KIAA1671: variants seen among roughly 807,000 people sequenced by gnomAD.
KIAA1671 encodes the protein uncharacterized protein KIAA1671.
A neutral mutation model predicts 131.2 loss-of-function variants in KIAA1671; 52 were observed. The ratio of observed to expected loss-of-function variants is 0.40; its 90% CI spans 0.32 to 0.50. The LOEUF (loss-of-function observed/expected upper bound fraction) is 0.50. Ranked by LOEUF, KIAA1671 falls within the 20% of genes least tolerant of loss-of-function variation. KIAA1671 has a pLI of 0.73. For synonymous variants in KIAA1671, 1,003 were observed against 961.6 expected, an observed-to-expected ratio of 1.04 and a Z score of -0.80; for missense variants, 2,360 against 2,364.2, an observed-to-expected ratio of 1.00 and a Z score of 0.04.
chr22:25,096,658 G>A (rs1325233659), intron 6 of KIAA1671, among the ~76,000 whole-genome samples: 1 of 152,154 alleles, frequency 6.6e-6, no homozygotes, highest in Non-Finnish European at 1.5e-5. Context: ...AACGTTTCAA[G>A]TGTACAATCT....
chr22:25,068,711 C>T (rs1181196625), intron 6 of KIAA1671, among the ~76,000 whole-genome samples: 1 of 152,198 alleles, frequency 6.6e-6, no homozygotes, highest in African/African-American at 2.4e-5. Context: ...TCTGGGATTA[C>T]AGGCGTGAGC....
At chr22:24,969,108 C>G (rs1922462925) in intron 1 of KIAA1671, among the ~76,000 whole-genome samples, 1 of 152,056 alleles carries the variant, frequency 6.6e-6, no homozygotes, top group South Asian at 2.1e-4. Flanking sequence ...CCATTGTTGC[C>G]TAGGTTGGTC....
chr22:25,064,313 G>A (rs1928346512), intron 6 of KIAA1671: 1 of 147,500 alleles, frequency 6.8e-6, no homozygotes, highest in Non-Finnish European at 1.5e-5. Context: ...CACCCACATT[G>A]GCCTCCCAAA....
At position 25,039,675 on chromosome 22, in the gene KIAA1671, G is replaced by T. The variant is rs1273660436; in HGVS notation, c.2545G>T (p.Val849Phe). The T allele has an allele frequency of 5.1e-5, 78 of 1,527,756 alleles. No individual in the cohort carries two copies. The highest frequency in any genetic ancestry group is 6.4e-5 in the Non-Finnish European group (72 of 1,132,152). The allele number at this position is 1,527,756 out of a possible 1,614,324, so 94.6% of individuals were successfully genotyped here. ...EEHCAPGATS[V>F]RAIKAAIWES... ...GCACTGTGCTCCCGGGGCCACCTCC[G>T]TCAGGGCTATCAAGGCTGCCATCTG... Residue 849 changes from valine (V) to phenylalanine (F), a missense_variant, in exon 5 of 13, where the codon GTC becomes TTC. Physicochemically the swap from Val to Phe is conservative, Grantham distance 50. Around this residue, in one of 3 missense-constraint regions of KIAA1671, gnomAD observed 1,185 missense variants for 1,126.2 expected, o/e 1.05. Coordinates refer to ENST00000358431, the MANE Select transcript of KIAA1671 (RefSeq NM_001145206.2).
intron 5 of KIAA1671, among the ~76,000 whole-genome samples, chr22:25,047,458 C>T (rs1373810397): frequency 6.8e-6 from 1 of 147,516 alleles, no homozygotes; most frequent in Non-Finnish European, 1.5e-5. Context: ...CCATGCCTGG[C>T]CTCTTTTCCT....
chr22:25,073,661 A>G (rs1928945810), intron 6 of KIAA1671, among the ~76,000 whole-genome samples: 2 of 152,098 alleles, frequency 1.3e-5, no homozygotes, highest in South Asian at 4.1e-4. Flanking sequence ...ACCCTTTAAC[A>G]TCTTTCCATT....
chr22:25,031,663 G>A (rs1199613812), intron 3 of KIAA1671, among the ~76,000 whole-genome samples: 1 of 152,146 alleles, frequency 6.6e-6, no homozygotes, highest in Non-Finnish European at 1.5e-5. Flanking sequence ...CTTCCAAGTC[G>A]ATCTTATGTG....
At chr22:25,098,653 G>A (rs1225213048) in intron 6 of KIAA1671, among the ~76,000 whole-genome samples, 2 of 151,794 alleles carry the variant, frequency 1.3e-5, no homozygotes, top group African/African-American at 4.8e-5. Flanking sequence ...TGCTCTGATT[G>A]CCCTGATGCC....
At chr22:25,073,207 A>G (rs1325349498) in intron 6 of KIAA1671, among the ~76,000 whole-genome samples, 2 of 152,082 alleles carry the variant, frequency 1.3e-5, no homozygotes, top group African/African-American at 2.4e-5. Flanking sequence ...AGCTGGGACT[A>G]CAGGTGCGTG....
rs370157051 is a variant in KIAA1671 at position 25,096,455 on chromosome 22, T to A, written c.4530+47091T>A. Among the ~76,000 whole-genome samples, 30 of 152,288 alleles carry A rather than the reference T, an allele frequency of 2.0e-4. No individual in the cohort carries two copies. In the South Asian group the frequency reaches 5.8e-3, roughly 29 times the overall value. ...GCAGTCACTCAAGACACACAAGATC[T>A]TGTGGGGCCCCTGGCTTCTCAGGCT... On this transcript the variant is annotated intron_variant, in intron 6 of 12. Transcript: ENST00000358431.
intron 6 of KIAA1671, among the ~76,000 whole-genome samples, chr22:25,096,048 G>A (rs900793100): frequency 6.6e-6 from 1 of 152,206 alleles, no homozygotes; most frequent in Non-Finnish European, 1.5e-5. Flanking sequence ...ATGGTAGTTG[G>A]GGAGCTAAGC....
At chr22:24,965,949 T>G (rs1922283653) in intron 1 of KIAA1671, among the ~76,000 whole-genome samples, 1 of 152,208 alleles carries the variant, frequency 6.6e-6, no homozygotes, top group Non-Finnish European at 1.5e-5. Context: ...ATAGATTTTG[T>G]GTGTTTATAG....
intron 6 of KIAA1671, among the ~76,000 whole-genome samples, chr22:25,139,473 G>C (rs1678878719): frequency 6.6e-6 from 1 of 152,244 alleles, no homozygotes; most frequent in Non-Finnish European, 1.5e-5. Context: ...TGGCCTCTCT[G>C]AGCTTTAGTT....
rs550937845 is a variant in KIAA1671 at position 25,190,254 on chromosome 22, C to T, written c.5343-448C>T. On this transcript the variant is annotated intron_variant, in intron 11 of 12. Coordinates refer to ENST00000358431, the MANE Select transcript of KIAA1671 (RefSeq NM_001145206.2). ...AGGCATTAGATTCTCATGAGAAGCT[C>T]GCAACCTAGATCCCTTGCATGCACA... 9.9e-5 allele frequency among the ~76,000 whole-genome samples: 15 copies of T among 152,192 alleles called. No homozygotes were observed. The East Asian group carries it at 2.7e-3, about 27-fold the overall frequency.
chr22:25,020,752 T>C (rs1602072661), intron 1 of KIAA1671, among the ~76,000 whole-genome samples: 1 of 152,180 alleles, frequency 6.6e-6, no homozygotes, highest in East Asian at 1.9e-4. Flanking sequence ...TGCAGAGGCA[T>C]GAAGGCGAGA....
At chr22:25,074,143 A>C (rs1271350261) in intron 6 of KIAA1671, among the ~76,000 whole-genome samples, 4 of 152,040 alleles carry the variant, frequency 2.6e-5, no homozygotes, top group Non-Finnish European at 5.9e-5. Context: ...CTACTTTTTA[A>C]AGGCTGTATA....
chr22:25,195,784 C>G lies in KIAA1671; in HGVS notation c.*3383C>G, dbSNP rs1217631813. The G allele has an allele frequency of 6.6e-6, 1 of 152,006 alleles. No individual in the cohort carries two copies. The highest frequency in any genetic ancestry group is 2.4e-5 in the African/African-American group (1 of 41,378). The allele number at this position is 152,006 out of a possible 1,614,324, so 9.4% of individuals were successfully genotyped here. On this transcript the variant is annotated 3_prime_UTR_variant, in exon 13 of 13. Transcript: ENST00000358431. ...TGGCTCCTGGAACTAGTCGTAATTG[C>G]AAACTGTAAAAATCCCTCCTCCCCA...
At chr22:25,140,804 G>A (rs540226690) in intron 6 of KIAA1671, among the ~76,000 whole-genome samples, 13 of 152,190 alleles carry the variant, frequency 8.5e-5, no homozygotes, top group African/African-American at 2.7e-4. Context: ...GAGCAGAGGC[G>A]TGGTATGAGA....
intron 6 of KIAA1671, among the ~76,000 whole-genome samples, chr22:25,109,844 G>A (rs1931241971): frequency 6.6e-6 from 1 of 151,898 alleles, no homozygotes; most frequent in African/African-American, 2.4e-5. Flanking sequence ...GAGGCTGGAT[G>A]TGGTGGCTCA....
Sources: allele counts gnomAD v4.1 joint callset (sites outside exome capture counted in the v4.1 genomes callset), GRCh38; gene constraint gnomAD v4.1.1; regional missense constraint gnomAD v4.1.1; transcripts MANE v1.5; gene names NCBI Gene and HGNC (gene_info 2026-07-23, HGNC 2026-07-21).